Variants in POFUT2 observed in about 807,000 individuals in gnomAD.
POFUT2 encodes GDP-fucose protein O-fucosyltransferase 2.
POFUT2 carries 30 observed loss-of-function variants against 55.0 expected under a neutral mutation model. The ratio of observed to expected loss-of-function variants is 0.55; its 90% CI spans 0.41 to 0.74. POFUT2 has a LOEUF of 0.74. Among genes scored for constraint, POFUT2 ranks in the 30% least tolerant of loss-of-function variants. The pLI is 0.00. For synonymous variants in POFUT2, 267 were observed against 231.1 expected (o/e 1.16, Z -1.41); for missense variants, 524 against 562.6 (o/e 0.93, Z 0.69).
rs369632491 is a variant in POFUT2, at chr21:45,270,036, A to G, written c.832-17T>C. 6.6e-6 allele frequency: 10 copies of G among 1,515,996 alleles called. No homozygotes were observed. The East Asian group carries it at 9.8e-5, about 15-fold the overall frequency. The allele number at this position is 1,515,996 out of a possible 1,614,324, so 93.9% of individuals were successfully genotyped here. A position where few individuals can be genotyped will look rare whatever the true frequency, so the allele number is the denominator to read the frequency against. On this transcript the variant is annotated splice_polypyrimidine_tract_variant and intron_variant, in intron 6 of 8. Coordinates refer to ENST00000349485, the MANE Select transcript of POFUT2 (RefSeq NM_133635.6). This position sits in a 1 kb window ranked among gnomAD's most constrained non-coding sequence, Gnocchi z 4.6. ...CAGCTTGACCTAGCAAAGAACCACA[A>G]GGAAATGCAGAAGCTGACAGGCGGG...
At chr21:45,266,891 C>T in intron 8 of POFUT2, 1 of 1,013,354 alleles carries the variant, frequency 9.9e-7, no homozygotes, top group Admixed American at 5.1e-5. Context: ...ACCGTTTCAC[C>T]CTAACCCCAG....
rs1407335279 is a variant in POFUT2, at chr21:45,281,698, A to G, written c.638+651T>C. On this transcript the variant is annotated intron_variant, in intron 4 of 8. Coordinates refer to ENST00000349485, the MANE Select transcript of POFUT2 (RefSeq NM_133635.6). The surrounding 1 kb of genome is among the most constrained non-coding windows in gnomAD (Gnocchi z 5.0). ...ACCCGTGCCCTGCTATGCCTGGTCT[A>G]TGGGAGACGCTCACAGTGCCTGCTG... Among the ~76,000 whole-genome samples, 1 of 151,966 alleles carries G rather than the reference A, an allele frequency of 6.6e-6. No individual in the cohort carries two copies. Among genetic ancestry groups the G allele is most frequent in the Non-Finnish European group, 1.5e-5 (1 of 67,998 alleles).
intron 3 of POFUT2, among the ~76,000 whole-genome samples, chr21:45,283,101 C>T (rs565672712): frequency 5.9e-5 from 9 of 151,498 alleles, no homozygotes; most frequent in East Asian, 5.8e-4. Context: ...CCACAAGGGC[C>T]GCCGCAACAC....
rs759493513 is a variant in POFUT2 at position 45,277,182 on chromosome 21, C to T, written c.706-40G>A. The T allele has an allele frequency of 2.5e-6, 4 of 1,599,646 alleles. No homozygotes were observed. Among genetic ancestry groups the T allele is most frequent in the African/African-American group, 1.3e-5 (1 of 74,804 alleles). On this transcript the variant is annotated intron_variant, in intron 5 of 8. Transcript: ENST00000349485. This position sits in a 1 kb window ranked among gnomAD's most constrained non-coding sequence, Gnocchi z 6.9. ...ACGGCTCGGCTGAGAACACGCCCGC[C>T]CGCCACGCAGCCCTCCCGGAGCGGG...
At chr21:45,276,921 C>G in intron 6 of POFUT2, 96 bp downstream of exon 6, 1 of 1,393,656 alleles carries the variant, frequency 7.2e-7, no homozygotes, top group Non-Finnish European at 9.9e-7. Flanking sequence ...CACAGACACG[C>G]CAACCCTGCT....
At position 45,277,164 on chromosome 21, in the gene POFUT2, G is replaced by A. The variant is rs567193657; in HGVS notation, c.706-22C>T. On this transcript the variant is annotated intron_variant, in intron 5 of 8. Transcript: ENST00000349485. The surrounding 1 kb of genome is among the most constrained non-coding windows in gnomAD (Gnocchi z 6.9). ...GGGTCTGTGGAAACGGCGACGGCTC[G>A]GCTGAGAACACGCCCGCCCGCCACG... The A allele has an allele frequency of 6.6e-5, 106 of 1,608,588 alleles. 1 individual carries two copies. Among genetic ancestry groups the A allele is most frequent in the Non-Finnish European group, 8.3e-5 (98 of 1,178,956 alleles).
At chr21:45,283,222 C>T (rs2030917270) in intron 3 of POFUT2, 161 bp downstream of exon 3, 2 of 423,872 alleles carry the variant, frequency 4.7e-6, no homozygotes, top group Non-Finnish European at 8.6e-6. Context: ...GGGGTGAAGA[C>T]ACCGTGGCGG....
chr21:45,283,310 G>GA, intron 3 of POFUT2, 73 bp downstream of exon 3: 2 of 437,656 alleles, frequency 4.6e-6, no homozygotes, highest in Middle Eastern at 6.9e-4. Flanking sequence ...GCCTGAGGCG[G>GA]GGGGGGGGGG....
rs143959435 is a variant in POFUT2, at chr21:45,270,004, C to T, written c.847G>A (p.Ala283Thr). 4.6e-5 allele frequency: 72 copies of T among 1,556,382 alleles called. No homozygotes were observed. The highest frequency in any genetic ancestry group is 4.0e-4 in the East Asian group (17 of 42,784). Residue 283 changes from alanine (A) to threonine (T), a missense_variant, in exon 7 of 9, where the codon GCG becomes ACG. Physicochemically the swap from Ala to Thr is moderately conservative, Grantham distance 58. Coordinates refer to ENST00000349485, the MANE Select transcript of POFUT2 (RefSeq NM_133635.6). The surrounding 1 kb of genome is among the most constrained non-coding windows in gnomAD (Gnocchi z 4.6). ...ACTCCCAGGTAGGGGCCCCCTAGCGCGGAGCCCAGCTTGACCTAGCAAAGA... is the reference window on the plus strand; with the variant it reads ...ACTCCCAGGTAGGGGCCCCCTAGCGTGGAGCCCAGCTTGACCTAGCAAAGA... ...WMKMKVKLGS[A>T]LGGPYLGVHL...
intron 7 of POFUT2, among the ~76,000 whole-genome samples, chr21:45,269,128 C>T (rs2093192616): frequency 6.7e-6 from 1 of 148,940 alleles, no homozygotes; most frequent in African/African-American, 2.5e-5. Flanking sequence ...TGAAGAGCCC[C>T]TCTGCCCGGC....
Position 45,282,316 on chromosome 21 carries a change from C to A in POFUT2, c.638+33G>T. ...ATGCACGGAGCAGACGCCACAGCCT[C>A]CAGGCTGCTCCCGGGGGGCCTGGGG... is the stretch of plus-strand genomic sequence containing the variant. On this transcript the variant is annotated intron_variant, in intron 4 of 8. Transcript: ENST00000349485. The surrounding 1 kb of genome is among the most constrained non-coding windows in gnomAD (Gnocchi z 4.6). The A allele has an allele frequency of 5.8e-6, 8 of 1,385,568 alleles. No individual in the cohort carries two copies. Among genetic ancestry groups the A allele is most frequent in the Non-Finnish European group, 8.2e-6 (8 of 973,622 alleles). 85.8% of individuals were successfully genotyped at this position (1,385,568 alleles called of 1,614,324 possible). A position where few individuals can be genotyped will look rare whatever the true frequency, so the allele number is the denominator to read the frequency against.
At position 45,270,836 on chromosome 21, in the gene POFUT2, C is replaced by T. The variant is rs1000694497; in HGVS notation, c.832-817G>A. On this transcript the variant is annotated intron_variant, in intron 6 of 8. Transcript: ENST00000349485. The surrounding 1 kb of genome is among the most constrained non-coding windows in gnomAD (Gnocchi z 4.6). ...CAGCCCAGCTCTCAGGGAGCCCCAT[C>T]CCTAGGGGAAGGCGAAGAGCGCCAC... Among the ~76,000 whole-genome samples, 1 of 152,196 alleles carries T rather than the reference C, an allele frequency of 6.6e-6. No homozygotes were observed. Among genetic ancestry groups the T allele is most frequent in the Admixed American group, 6.5e-5 (1 of 15,278 alleles).
rs927322313 is a variant in POFUT2 at position 45,281,678 on chromosome 21, T to C, written c.638+671A>G. On this transcript the variant is annotated intron_variant, in intron 4 of 8. Transcript: ENST00000349485. The surrounding 1 kb of genome is among the most constrained non-coding windows in gnomAD (Gnocchi z 5.0). ...CGTGGGCAAGTGCGAGGGGCACCCG[T>C]GCCCTGCTATGCCTGGTCTATGGGA... Among the ~76,000 whole-genome samples, 3 of 152,076 alleles carry C rather than the reference T, an allele frequency of 2.0e-5. No individual in the cohort carries two copies. The highest frequency in any genetic ancestry group is 7.2e-5 in the African/African-American group (3 of 41,424).
rs909366947 is a variant in POFUT2, at chr21:45,282,633, G to T, written c.528-174C>A. Among the ~76,000 whole-genome samples the T allele has an allele frequency of 1.3e-5, 2 of 152,198 alleles. No homozygotes were observed. Among genetic ancestry groups the T allele is most frequent in the East Asian group, 3.8e-4 (2 of 5,196 alleles). ...ACATTCTAGTAAAATTTTAAAAGAA[G>T]CCCATGAGTGTCTCTCAGGCTGATG... On this transcript the variant is annotated intron_variant, in intron 3 of 8. Coordinates refer to ENST00000349485, the MANE Select transcript of POFUT2 (RefSeq NM_133635.6). The surrounding 1 kb of genome is among the most constrained non-coding windows in gnomAD (Gnocchi z 4.6).
Position 45,277,282 on chromosome 21 carries a change from G to A in POFUT2, c.706-140C>T. 9 of 1,155,466 alleles carry A rather than the reference G, an allele frequency of 7.8e-6. 1 individual carries two copies. In the South Asian group the frequency reaches 1.4e-4, roughly 18 times the overall value. 71.6% of individuals were successfully genotyped at this position (1,155,466 alleles called of 1,614,324 possible). A position where few individuals can be genotyped will look rare whatever the true frequency, so the allele number is the denominator to read the frequency against. ...AGACACGTCATCCACGGTCGCCTGA[G>A]AAGCAGCGCCATCCACGGTGGAGGC... On this transcript the variant is annotated intron_variant, in intron 5 of 8. Coordinates refer to ENST00000349485, the MANE Select transcript of POFUT2 (RefSeq NM_133635.6). The surrounding 1 kb of genome is among the most constrained non-coding windows in gnomAD (Gnocchi z 6.9).
Position 45,265,389 on chromosome 21 carries a change from C to G in POFUT2, c.*93G>C. 2 of 1,212,574 alleles carry G rather than the reference C, an allele frequency of 1.6e-6. No individual in the cohort carries two copies. Among genetic ancestry groups the G allele is most frequent in the East Asian group, 4.7e-5 (2 of 42,436 alleles). The allele number at this position is 1,212,574 out of a possible 1,614,324, so 75.1% of individuals were successfully genotyped here. A position where few individuals can be genotyped will look rare whatever the true frequency, so the allele number is the denominator to read the frequency against. On this transcript the variant is annotated 3_prime_UTR_variant, in exon 9 of 9. Transcript: ENST00000349485. The surrounding 1 kb of genome is among the most constrained non-coding windows in gnomAD (Gnocchi z 4.6). ...GCGAGGGACGGTCCTGTCCGCCCAG[C>G]TCCCGGCTGGCAGTAGACGGTGACT...
rs2093143811 is a variant in POFUT2 at position 45,265,373 on chromosome 21, G to T, written c.*109C>A. 3.0e-6 allele frequency: 3 copies of T among 1,006,132 alleles called. No homozygotes were observed. The highest frequency in any genetic ancestry group is 2.9e-6 in the Non-Finnish European group (2 of 679,628). The allele number at this position is 1,006,132 out of a possible 1,614,324, so 62.3% of individuals were successfully genotyped here. A position where few individuals can be genotyped will look rare whatever the true frequency, so the allele number is the denominator to read the frequency against. On this transcript the variant is annotated 3_prime_UTR_variant, in exon 9 of 9. Transcript: ENST00000349485. This position sits in a 1 kb window ranked among gnomAD's most constrained non-coding sequence, Gnocchi z 4.6. ...CTGGGCCTGGGACCCTGCGAGGGAC[G>T]GTCCTGTCCGCCCAGCTCCCGGCTG...
At chr21:45,271,981 G>A (rs755609406) in intron 6 of POFUT2, among the ~76,000 whole-genome samples, 6 of 152,012 alleles carry the variant, frequency 3.9e-5, no homozygotes, top group Middle Eastern at 3.2e-3. Flanking sequence ...ATAAAACAAC[G>A]CAATGAAAAA....
At chr21:45,279,920 G>A (rs1413877301) in intron 4 of POFUT2, among the ~76,000 whole-genome samples, 2 of 152,236 alleles carry the variant, frequency 1.3e-5, no homozygotes. Flanking sequence ...TCAAAAGATG[G>A]CTGCATGCAC....
Sources: allele counts gnomAD v4.1 joint callset (sites outside exome capture counted in the v4.1 genomes callset), GRCh38; gene constraint gnomAD v4.1.1; non-coding constraint Gnocchi (gnomAD v3.1); transcripts MANE v1.5; gene names NCBI Gene and HGNC (gene_info 2026-07-23, HGNC 2026-07-21).